ADGRL2: variants seen among roughly 807,000 people sequenced by gnomAD.
The protein encoded by ADGRL2 is adhesion G protein-coupled receptor L2, also known as calcium-independent alpha-latrotoxin receptor 2.
In ADGRL2, 44 loss-of-function variants were observed where a neutral mutation model predicts 157.4. The ratio of observed to expected loss-of-function variants is 0.28; its 90% CI spans 0.22 to 0.36. ADGRL2 has a LOEUF of 0.36. Among genes scored for constraint, ADGRL2 ranks in the 10% least tolerant of loss-of-function variants. ADGRL2 has a pLI of 1.00. For missense variants in ADGRL2, 1,510 were observed against 1,768.9 expected, an observed-to-expected ratio of 0.85 and a Z score of 2.63; for synonymous variants, 585 against 624.7, an observed-to-expected ratio of 0.94 and a Z score of 0.95.
intron 3 of ADGRL2, among the ~76,000 whole-genome samples, chr1:81,650,661 G>A (rs1172128289): frequency 1.3e-5 from 2 of 151,994 alleles, no homozygotes; most frequent in Non-Finnish European, 2.9e-5. Context: ...GCCCTATGGA[G>A]CTAAGTAGTA....
chr1:81,617,667 C>G (rs191915629), intron 3 of ADGRL2, among the ~76,000 whole-genome samples: 1 of 152,324 alleles, frequency 6.6e-6, no homozygotes, highest in Non-Finnish European at 1.5e-5. Context: ...TTTTCCTTTT[C>G]GGGAACAGAG....
intron 1 of ADGRL2, among the ~76,000 whole-genome samples, chr1:81,349,505 TG>T (rs1414675179): frequency 6.6e-6 from 1 of 152,074 alleles, no homozygotes; most frequent in African/African-American, 2.4e-5. Flanking sequence ...GAATGTGGGA[TG>T]GTATTGGTGC....
chr1:81,395,041 C>T (rs1012630796), intron 1 of ADGRL2, among the ~76,000 whole-genome samples: 5 of 151,906 alleles, frequency 3.3e-5, no homozygotes, highest in African/African-American at 9.7e-5. Context: ...TGGGACTACA[C>T]GTGTGTGCCA....
chr1:81,814,148 A>G (rs1254795766), intron 1 of ADGRL2, among the ~76,000 whole-genome samples: 1 of 151,778 alleles, frequency 6.6e-6, no homozygotes, highest in East Asian at 1.9e-4. Context: ...TAAAGTAACC[A>G]TGATCTTGGT....
intron 1 of ADGRL2, among the ~76,000 whole-genome samples, chr1:81,392,601 G>T (rs1358356150): frequency 6.6e-6 from 1 of 152,094 alleles, no homozygotes; most frequent in East Asian, 1.9e-4. Flanking sequence ...AAATAAATTA[G>T]CAATGGAAGA....
chr1:81,417,571 A>G (rs898059787), intron 1 of ADGRL2, among the ~76,000 whole-genome samples: 6 of 152,176 alleles, frequency 3.9e-5, no homozygotes, highest in Non-Finnish European at 2.9e-5. Flanking sequence ...ATATGGCACC[A>G]TGTCATAGGT....
intron 3 of ADGRL2, among the ~76,000 whole-genome samples, chr1:81,919,796 G>A (rs2148575886): frequency 6.6e-6 from 1 of 152,178 alleles, no homozygotes; most frequent in East Asian, 1.9e-4. Flanking sequence ...CTTTGAAAAT[G>A]TACAAAAGCA....
intron 1 of ADGRL2, chr1:81,721,638 G>A (rs1290782314): frequency 7.6e-6 from 6 of 786,272 alleles, no homozygotes; most frequent in Non-Finnish European, 1.3e-5. Flanking sequence ...CCAAGCCAGC[G>A]CCTGGGCCTG....
intron 2 of ADGRL2, among the ~76,000 whole-genome samples, chr1:81,562,552 A>G (rs2080466736): frequency 6.6e-6 from 1 of 152,178 alleles, no homozygotes; most frequent in African/African-American, 2.4e-5. Context: ...CTAAAATAAG[A>G]AATTGTATAG....
intron 9 of ADGRL2, among the ~76,000 whole-genome samples, 198 bp from the exon 10 acceptor site, chr1:81,952,789 A>G (rs529314494): frequency 1.3e-5 from 2 of 151,982 alleles, no homozygotes; most frequent in South Asian, 2.1e-4. Context: ...CATATTTTAG[A>G]TTAGTATACT....
intron 2 of ADGRL2, among the ~76,000 whole-genome samples, chr1:81,518,287 C>T (rs2079228608): frequency 6.6e-6 from 1 of 152,156 alleles, no homozygotes; most frequent in Non-Finnish European, 1.5e-5. Context: ...CTGATTGCTC[C>T]TTTCTCTTTA....
intron 3 of ADGRL2, among the ~76,000 whole-genome samples, chr1:81,602,541 G>T (rs995243470): frequency 6.6e-6 from 1 of 152,028 alleles, no homozygotes; most frequent in Non-Finnish European, 1.5e-5. Context: ...GCAGTGAGCC[G>T]AGATAGAGCC....
At chr1:81,893,088 C>G (rs1174450600) in intron 2 of ADGRL2, among the ~76,000 whole-genome samples, 1 of 152,126 alleles carries the variant, frequency 6.6e-6, no homozygotes, top group Admixed American at 6.6e-5. Flanking sequence ...TGGGTTCTTT[C>G]ATGTGTTCAT....
At chr1:81,833,617 T>C (rs2092096596) in intron 1 of ADGRL2, among the ~76,000 whole-genome samples, 1 of 152,240 alleles carries the variant, frequency 6.6e-6, no homozygotes, top group Admixed American at 6.5e-5. Flanking sequence ...TGTGATTTCC[T>C]GGTAATGTAA....
chr1:81,501,732 A>C, intron 2 of ADGRL2: 1 of 1,608,532 alleles, frequency 6.2e-7, no homozygotes. Flanking sequence ...GCCCAGGTTC[A>C]GAGTCATGCC....
rs184015756 is a variant in ADGRL2, at chr1:81,408,594, A to C, written c.-301-36442A>C. Among the ~76,000 whole-genome samples, 717 of 152,296 alleles carry C rather than the reference A, an allele frequency of 4.7e-3. 5 individuals are homozygous for C. The highest frequency in any genetic ancestry group is 8.5e-3 in the Non-Finnish European group (575 of 68,020). On this transcript the variant is annotated intron_variant, in intron 1 of 24. Transcript: ENST00000370721. ...GTACTTAGAAAAAATAGAAGGCATA[A>C]AAATGTCAGCTCCATAGATTTGCTG... is the stretch of plus-strand genomic sequence containing the variant.
At chr1:81,443,338 CT>C (rs201562166) in intron 1 of ADGRL2, among the ~76,000 whole-genome samples, 1,672 of 152,024 alleles carry the variant, frequency 0.011, 15 homozygotes, top group African/African-American at 0.026. Flanking sequence ...AGGAGAATCA[CT>C]TGAACCCAGG....
chr1:81,383,760 T>G lies in ADGRL2; in HGVS notation c.-301-61276T>G, dbSNP rs1218675997. On this transcript the variant is annotated intron_variant, in intron 1 of 24. Transcript: ENST00000370721. ...TGGGCAGATCACAAGGTCAGGAGAT[T>G]GAGACCATCCTGGCTAACACGGTGA... is the stretch of plus-strand genomic sequence containing the variant. Among the ~76,000 whole-genome samples, 11 of 138,958 alleles carry G rather than the reference T, an allele frequency of 7.9e-5. No homozygotes were observed. In the East Asian group the frequency reaches 2.1e-3, roughly 26 times the overall value. 91.2% of individuals were successfully genotyped at this position (138,958 alleles called of 152,430 possible).
At chr1:81,963,061 T>C (rs1452472402) in intron 11 of ADGRL2, among the ~76,000 whole-genome samples, 7 of 152,096 alleles carry the variant, frequency 4.6e-5, no homozygotes, top group Non-Finnish European at 1.0e-4. Context: ...CAGCATTATG[T>C]AATTCTTCAT....
Sources: allele counts gnomAD v4.1 joint callset (sites outside exome capture counted in the v4.1 genomes callset), GRCh38; gene constraint gnomAD v4.1.1; transcripts MANE v1.5; gene names NCBI Gene and HGNC (gene_info 2026-07-23, HGNC 2026-07-21).